Variants in RPAP3 observed in about 807,000 individuals in gnomAD.
RPAP3 encodes RNA polymerase II-associated protein 3.
Under a neutral mutation model 88.8 loss-of-function variants are expected in RPAP3, and 58 were observed. The ratio of observed to expected loss-of-function variants is 0.65; its 90% CI spans 0.53 to 0.81. RPAP3 has a LOEUF of 0.81. Among genes scored for constraint, RPAP3 ranks in the 40% least tolerant of loss-of-function variants. The pLI, the probability that RPAP3 is intolerant of heterozygous loss-of-function variation, is 0.00. For synonymous variants in RPAP3, 255 were observed against 259.9 expected (o/e 0.98, Z 0.18); for missense variants, 751 against 764.3 (o/e 0.98, Z 0.20).
chr12:47,701,415 C>G (rs767510417), intron 3 of RPAP3, 49 bp downstream of exon 3: 1 of 1,443,266 alleles, frequency 6.9e-7, no homozygotes, highest in Admixed American at 2.4e-5. Context: ...AGCTAACTCC[C>G]AGAAAATTTT....
At chr12:47,695,396 A>G (rs544503060) in intron 5 of RPAP3, among the ~76,000 whole-genome samples, 8 of 152,280 alleles carry the variant, frequency 5.3e-5, no homozygotes, top group Admixed American at 4.6e-4. Flanking sequence ...ACATATACAT[A>G]TATAATAAAC....
chr12:47,671,282 A>C (rs1371647917), intron 12 of RPAP3, among the ~76,000 whole-genome samples: 1 of 152,210 alleles, frequency 6.6e-6, no homozygotes, highest in Non-Finnish European at 1.5e-5. Context: ...TTCTTCTAAA[A>C]TTTGCAAATA....
chr12:47,692,824 A>T (rs1388857388), intron 5 of RPAP3, among the ~76,000 whole-genome samples: 1 of 152,170 alleles, frequency 6.6e-6, no homozygotes, highest in African/African-American at 2.4e-5. Context: ...TTAAAGTAAG[A>T]GATCTGCAAG....
chr12:47,668,704 C>A (rs1938933006), intron 14 of RPAP3, among the ~76,000 whole-genome samples: 1 of 152,110 alleles, frequency 6.6e-6, no homozygotes, highest in Non-Finnish European at 1.5e-5. Context: ...TTATTTGAGA[C>A]AATAGAATTT....
Position 47,670,241 on chromosome 12 carries a change from A to G in RPAP3, c.1392T>C (p.Asn464=), listed in dbSNP as rs2136609258. The G allele has an allele frequency of 6.2e-7, 1 of 1,613,318 alleles. No homozygotes were observed. The highest frequency in any genetic ancestry group is 1.3e-5 in the African/African-American group (1 of 75,042). ...TAAAPENNPI[N]LANVIAATGT... is the part of the protein sequence containing the mutation. ...CTGTGGCTGCTATTACATTTGCTAG[A>G]TTAATAGGATTATTCTCTGGAGCAG... The change falls in exon 13 of 17, where the codon AAT becomes AAC. Residue 464 remains asparagine, a synonymous_variant. Transcript: ENST00000005386.
intron 14 of RPAP3, among the ~76,000 whole-genome samples, chr12:47,668,315 T>C (rs1341364303): frequency 1.3e-5 from 2 of 152,188 alleles, no homozygotes; most frequent in Admixed American, 6.5e-5. Context: ...AATCACTCTA[T>C]TCTAGTCACA....
At chr12:47,671,827 C>T (rs749258069) in intron 12 of RPAP3, among the ~76,000 whole-genome samples, 2 of 152,078 alleles carry the variant, frequency 1.3e-5, no homozygotes, top group Non-Finnish European at 2.9e-5. Context: ...CTGATGACAG[C>T]TGGAAGGACT....
intron 12 of RPAP3, among the ~76,000 whole-genome samples, chr12:47,675,360 G>A (rs763069531): frequency 9.2e-5 from 14 of 152,054 alleles, no homozygotes; most frequent in South Asian, 2.1e-4. Flanking sequence ...AATAACCAGC[G>A]AACATCATAA....
intron 1 of RPAP3, among the ~76,000 whole-genome samples, chr12:47,703,495 CCT>C (rs1198722958): frequency 5.9e-5 from 9 of 152,244 alleles, no homozygotes; most frequent in African/African-American, 2.2e-4. Context: ...CCAAATGTTC[CCT>C]GAGAGGTAAA....
chr12:47,683,502 A>T (rs899344592), intron 9 of RPAP3, among the ~76,000 whole-genome samples: 1 of 152,184 alleles, frequency 6.6e-6, no homozygotes, highest in African/African-American at 2.4e-5. Flanking sequence ...ATTTAATTGC[A>T]TATTTAATTG....
At chr12:47,705,687 G>A (rs1939778285) in intron 1 of RPAP3, among the ~76,000 whole-genome samples, 1 of 151,226 alleles carries the variant, frequency 6.6e-6, no homozygotes, top group Admixed American at 6.6e-5. Context: ...GCCTTCCCGA[G>A]CACTGCAAAA....
At chr12:47,705,804 C>T (rs1006561384) in intron 1 of RPAP3, 148 bp downstream of exon 1, 26 of 158,152 alleles carry the variant, frequency 1.6e-4, no homozygotes, top group Non-Finnish European at 2.8e-5. Flanking sequence ...GCCCTGGACA[C>T]CGACGCGCCG....
chr12:47,673,094 A>G (rs117815298), intron 12 of RPAP3, among the ~76,000 whole-genome samples: 100 of 152,276 alleles, frequency 6.6e-4, no homozygotes, highest in Non-Finnish European at 1.2e-3. Context: ...ATGTGTGAAA[A>G]CAACTAGATT....
Position 47,690,640 on chromosome 12 carries a change from C to A in RPAP3, c.546-1G>T. 1 of 1,463,302 alleles carries A rather than the reference C, an allele frequency of 6.8e-7. No individual in the cohort carries two copies. Among genetic ancestry groups the A allele is most frequent in the Non-Finnish European group, 9.1e-7 (1 of 1,095,126 alleles). 90.6% of individuals were successfully genotyped at this position (1,463,302 alleles called of 1,614,324 possible). The stretch of plus-strand genomic sequence containing the variant: ...ACAATCAGACTCAGCAACAGCAAAT[C>A]TGCAATTTAAAAACATTAAAATAAA... On this transcript the variant is annotated splice_acceptor_variant, in intron 5 of 16. Transcript: ENST00000005386. LOFTEE classifies it high-confidence loss of function.
chr12:47,688,637 C>T (rs945735418), intron 7 of RPAP3, among the ~76,000 whole-genome samples: 2 of 152,102 alleles, frequency 1.3e-5, no homozygotes, highest in Non-Finnish European at 2.9e-5. Flanking sequence ...AACTACATCA[C>T]CAAACTTCTC....
At chr12:47,693,000 C>G (rs912908357) in intron 5 of RPAP3, among the ~76,000 whole-genome samples, 3 of 152,156 alleles carry the variant, frequency 2.0e-5, no homozygotes, top group African/African-American at 7.2e-5. Context: ...CTGCCTCACC[C>G]TCCCAAGTAG....
intron 6 of RPAP3, among the ~76,000 whole-genome samples, chr12:47,689,932 T>C (rs56009115): frequency 0.17 from 25,112 of 151,426 alleles, 2,648 homozygotes; most frequent in Admixed American, 0.32. Flanking sequence ...TCCCGGATAC[T>C]TGGGAGGCTG....
chr12:47,668,873 G>A (rs777505488), intron 14 of RPAP3, 43 bp downstream of exon 14: 11 of 1,471,778 alleles, frequency 7.5e-6, no homozygotes, highest in Middle Eastern at 1.7e-4. Flanking sequence ...GAAGTTCTCT[G>A]ACCTTTTACT....
chr12:47,668,583 T>A (rs1938930843), intron 14 of RPAP3, among the ~76,000 whole-genome samples: 1 of 152,338 alleles, frequency 6.6e-6, no homozygotes, highest in African/African-American at 2.4e-5. Context: ...ATTAGAAGAA[T>A]GATTGCCTAC....
Sources: gnomAD v4.1 joint callset for allele counts (sites outside exome capture counted in the v4.1 genomes callset) on GRCh38, gnomAD v4.1.1 for gene constraint, MANE v1.5 for transcripts, NCBI Gene and HGNC (gene_info 2026-07-23, HGNC 2026-07-21) for gene names.